UNC5D: variants seen among roughly 807,000 people sequenced by gnomAD.
The protein encoded by UNC5D is unc-5 netrin receptor D.
UNC5D carries 39 observed loss-of-function variants against 105.4 expected under a neutral mutation model. The ratio of observed to expected loss-of-function variants is 0.37; its 90% CI spans 0.29 to 0.48. The LOEUF is 0.48. Among genes scored for constraint, UNC5D ranks in the 20% least tolerant of loss-of-function variants. UNC5D has a pLI of 0.98. For missense variants in UNC5D, 991 were observed against 1,202.4 expected (o/e 0.82, Z 2.60); for synonymous variants, 452 against 450.4 (o/e 1.00, Z -0.04).
chr8:35,538,830 C>A lies in UNC5D; in HGVS notation c.104-10462C>A, dbSNP rs148481771. ...TATGGGATGTAGGCCAAAAAACAGT[C>A]TTGGGGCCAAGCAATAAGTCTGTTT... On this transcript the variant is annotated intron_variant, in intron 1 of 16. Transcript: ENST00000404895. Among the ~76,000 whole-genome samples, 536 of 152,108 alleles carry A rather than the reference C, an allele frequency of 3.5e-3. 7 individuals are homozygous for A. The highest frequency in any genetic ancestry group is 0.012 in the African/African-American group (492 of 41,496).
At chr8:35,513,740 C>T (rs992178127) in intron 1 of UNC5D, among the ~76,000 whole-genome samples, 5 of 152,172 alleles carry the variant, frequency 3.3e-5, no homozygotes, top group African/African-American at 1.2e-4. Context: ...GTTCCAAACT[C>T]TGATCACAGA....
Position 35,268,426 on chromosome 8 carries a change from T to C in UNC5D, c.103+32539T>C, listed in dbSNP as rs548882515. Among the ~76,000 whole-genome samples, 10 of 152,286 alleles carry C rather than the reference T, an allele frequency of 6.6e-5. No individual in the cohort carries two copies. In the East Asian group the frequency reaches 1.9e-3, roughly 29 times the overall value. ...TCTAAAAGCCATTACAACCTAGTAC[T>C]ATAGTGATAAACATAATTTAAAAAC... On this transcript the variant is annotated intron_variant, in intron 1 of 16. Transcript: ENST00000404895.
At chr8:35,666,456 T>C (rs1194715338) in intron 4 of UNC5D, among the ~76,000 whole-genome samples, 1 of 151,312 alleles carries the variant, frequency 6.6e-6, no homozygotes, top group African/African-American at 2.4e-5. Context: ...TTTCAGCAAG[T>C]TTAAAAAAAA....
At chr8:35,331,952 T>C (rs1810662702) in intron 1 of UNC5D, among the ~76,000 whole-genome samples, 1 of 152,218 alleles carries the variant, frequency 6.6e-6, no homozygotes, top group Non-Finnish European at 1.5e-5. Context: ...GTAGGCATCA[T>C]TATGATTTTG....
At chr8:35,531,056 T>G (rs1338161107) in intron 1 of UNC5D, among the ~76,000 whole-genome samples, 2 of 149,622 alleles carry the variant, frequency 1.3e-5, no homozygotes, top group Non-Finnish European at 3.0e-5. Flanking sequence ...TCAGTTCTGC[T>G]CTGATTTTAG....
intron 1 of UNC5D, among the ~76,000 whole-genome samples, chr8:35,412,928 G>A (rs1805268632): frequency 6.6e-6 from 1 of 152,138 alleles, no homozygotes; most frequent in Non-Finnish European, 1.5e-5. Flanking sequence ...AGGTATGCAT[G>A]TAGGTCTACA....
chr8:35,650,907 A>G (rs575269573), intron 4 of UNC5D, among the ~76,000 whole-genome samples: 30 of 152,346 alleles, frequency 2.0e-4, no homozygotes, highest in South Asian at 1.4e-3. Context: ...CTTGTTAAGA[A>G]ATAGGCATGT....
chr8:35,585,191 A>G (rs534043213), intron 3 of UNC5D, among the ~76,000 whole-genome samples: 1 of 152,204 alleles, frequency 6.6e-6, no homozygotes, highest in Non-Finnish European at 1.5e-5. Context: ...TTTATTGATA[A>G]CAGCAATTTA....
chr8:35,349,864 G>T (rs1373336449), intron 1 of UNC5D, among the ~76,000 whole-genome samples: 1 of 151,880 alleles, frequency 6.6e-6, no homozygotes, highest in Non-Finnish European at 1.5e-5. Flanking sequence ...ACTTGAAACT[G>T]GCACTTTTTC....
chr8:35,544,603 T>TC, intron 1 of UNC5D: 1 of 1,482,474 alleles, frequency 6.7e-7, no homozygotes, highest in Non-Finnish European at 9.0e-7. Flanking sequence ...TCGTTTTTTT[T>TC]TTTTTTTTTT....
At chr8:35,282,824 T>A (rs192392989) in intron 1 of UNC5D, among the ~76,000 whole-genome samples, 97 of 152,104 alleles carry the variant, frequency 6.4e-4, no homozygotes, top group Admixed American at 4.4e-3. Context: ...CTTCAAATAG[T>A]ACTAATGGAA....
At chr8:35,732,894 A>C in intron 11 of UNC5D, among the ~76,000 whole-genome samples, 1 of 152,146 alleles carries the variant, frequency 6.6e-6, no homozygotes, top group Admixed American at 6.5e-5. Context: ...AACACCTAGA[A>C]CTCACAAGAG....
chr8:35,573,806 T>A (rs1817914326), intron 3 of UNC5D, among the ~76,000 whole-genome samples: 1 of 152,146 alleles, frequency 6.6e-6, no homozygotes, highest in Admixed American at 6.5e-5. Flanking sequence ...TAAACTATTG[T>A]TTTTTTCCTT....
chr8:35,597,453 CAG>C (rs538214918), intron 4 of UNC5D, among the ~76,000 whole-genome samples: 222 of 152,256 alleles, frequency 1.5e-3, no homozygotes, highest in African/African-American at 5.2e-3. Flanking sequence ...AGGAGCCTAA[CAG>C]AGGTATCAGC....
At chr8:35,330,228 C>T (rs2128893290) in intron 1 of UNC5D, among the ~76,000 whole-genome samples, 1 of 152,292 alleles carries the variant, frequency 6.6e-6, no homozygotes, top group African/African-American at 2.4e-5. Context: ...ATATTTGTCA[C>T]ATATTAACTG....
intron 4 of UNC5D, among the ~76,000 whole-genome samples, chr8:35,675,309 G>T (rs922982200): frequency 6.6e-6 from 1 of 152,026 alleles, no homozygotes; most frequent in African/African-American, 2.4e-5. Context: ...TATGTATATT[G>T]CACCAACCTC....
chr8:35,701,861 G>A (rs1056669360), intron 7 of UNC5D, among the ~76,000 whole-genome samples: 5 of 149,560 alleles, frequency 3.3e-5, no homozygotes, highest in African/African-American at 1.2e-4. Context: ...CCTTGGTGCT[G>A]GAATTATGCT....
intron 1 of UNC5D, among the ~76,000 whole-genome samples, chr8:35,470,839 A>T (rs370029561): frequency 6.6e-6 from 1 of 151,980 alleles, no homozygotes; most frequent in African/African-American, 2.4e-5. Flanking sequence ...CAGAGTTGGT[A>T]TGGCACTGAC....
At chr8:35,589,809 A>G (rs1819042930) in intron 3 of UNC5D, among the ~76,000 whole-genome samples, 1 of 152,162 alleles carries the variant, frequency 6.6e-6, no homozygotes, top group African/African-American at 2.4e-5. Context: ...AGATTCATCT[A>G]TGTTGTAACG....
Sources: allele counts gnomAD v4.1 joint callset (sites outside exome capture counted in the v4.1 genomes callset), GRCh38; gene constraint gnomAD v4.1.1; transcripts MANE v1.5; gene names NCBI Gene and HGNC (gene_info 2026-07-23, HGNC 2026-07-21).